BTN1A1: variants seen among roughly 807,000 people sequenced by gnomAD.
BTN1A1 encodes bK14H9.2 (butyrophilin, subfamily 1, member A1).
Under a neutral mutation model 33.1 loss-of-function variants are expected in BTN1A1, and 26 were observed. The ratio of observed to expected loss-of-function variants is 0.79; its 90% CI spans 0.58 to 1.09. BTN1A1 has a LOEUF of 1.09. BTN1A1 is among the 50% of genes least tolerant of loss of function. The probability of loss-of-function intolerance (pLI) is 0.00; values close to 1 mark genes in which losing one functional copy is unlikely to be tolerated. For synonymous variants in BTN1A1, 235 were observed against 256.2 expected (o/e 0.92, Z 0.79); for missense variants, 558 against 655.7 (o/e 0.85, Z 1.63).
At position 26,505,107 on chromosome 6, in the gene BTN1A1, G is replaced by C. The variant is rs770010800; in HGVS notation, c.610G>C (p.Ala204Pro). ...TGAAGAAGGTTTGTTCACTGTGGCT[G>C]CTTCAGTGATCATCAGAGACACTTC... is the stretch of plus-strand genomic sequence containing the variant. ...PDEEGLFTVA[A>P]SVIIRDTSAK... Residue 204 changes from alanine to proline, a missense_variant, in exon 4 of 8, where the codon GCT becomes CCT. Ala to Pro is a conservative substitution (Grantham distance 27). Transcript: ENST00000684113. 2 of 1,614,204 alleles carry C rather than the reference G, an allele frequency of 1.2e-6. No homozygotes were observed. Among genetic ancestry groups the C allele is most frequent in the Non-Finnish European group, 1.7e-6 (2 of 1,180,012 alleles).
In BTN1A1 at chr6:26,504,913, C is replaced by A; in HGVS notation, c.428-12C>A. ...TCCGCTAAAACATTAAGTCCAGATT[C>A]TCTCTCCATAGCTCTGGGCTCTGAC... On this transcript the variant is annotated splice_polypyrimidine_tract_variant and intron_variant, in intron 3 of 7. Coordinates refer to ENST00000684113, the MANE Select transcript of BTN1A1 (RefSeq NM_001732.3). The A allele has an allele frequency of 2.5e-6, 4 of 1,611,374 alleles. No homozygotes were observed. The highest frequency in any genetic ancestry group is 1.1e-5 in the South Asian group (1 of 91,002).
rs1763799174 is a variant in BTN1A1 at position 26,501,560 on chromosome 6, T to A, written c.80-30T>A. 2 of 1,608,962 alleles carry A rather than the reference T, an allele frequency of 1.2e-6. No individual in the cohort carries two copies. Among genetic ancestry groups the A allele is most frequent in the Admixed American group, 1.7e-5 (1 of 59,848 alleles). On this transcript the variant is annotated intron_variant, in intron 2 of 7. Transcript: ENST00000684113. The surrounding 1 kb of genome is among the most constrained non-coding windows in gnomAD (Gnocchi z 5.2). ...TCTGTCCGTAGTTCCCATCTCCACA[T>A]CCCGTCTGATCCCGCTCGTTTTTCG...
Position 26,508,615 on chromosome 6 carries a change from T to C in BTN1A1, c.1022T>C (p.Phe341Ser). The C allele has an allele frequency of 1.2e-6, 2 of 1,614,202 alleles. No homozygotes were observed. The highest frequency in any genetic ancestry group is 1.3e-5 in the African/African-American group (1 of 75,046). Residue 341 changes from phenylalanine (F) to serine (S), a missense_variant, in exon 8 of 8, where the codon TTT (phenylalanine) becomes TCT (serine). Phe to Ser is a radical substitution (Grantham distance 155). Transcript: ENST00000684113. ...RQKLPEKTER[F>S]DSWPCVLGRE... ...AAACTGCCTGAGAAAACAGAGAGATTTGACTCCTGGCCCTGTGTGTTGGGC... is the reference window on the plus strand; with the variant it reads ...AAACTGCCTGAGAAAACAGAGAGATCTGACTCCTGGCCCTGTGTGTTGGGC...
At chr6:26,505,980 A>C (rs1763864593) in intron 4 of BTN1A1, among the ~76,000 whole-genome samples, 1 of 151,982 alleles carries the variant, frequency 6.6e-6, no homozygotes, top group Non-Finnish European at 1.5e-5. Context: ...TTAGCCAGGC[A>C]TGGTGGCGGG....
chr6:26,506,268 G>C (rs1358155991), intron 4 of BTN1A1, among the ~76,000 whole-genome samples: 1 of 152,058 alleles, frequency 6.6e-6, no homozygotes, highest in African/African-American at 2.4e-5. Flanking sequence ...CCCAGATACT[G>C]TCTCTGGTTC....
rs1426614122 is a variant in BTN1A1, at chr6:26,506,769, T to A, written c.796T>A (p.Phe266Ile). The change falls in exon 5 of 8, where the codon TTT becomes ATT. Residue 266 changes from phenylalanine (F) to isoleucine (I), a missense_variant. By Grantham distance (21) the Phe-to-Ile change is conservative. Transcript: ENST00000684113. ...AGGACTTCTCACCATTGGGTCCATA[T>A]TTTTCACTTGGAGACTATACAACGA... is the stretch of plus-strand genomic sequence containing the variant. ...VLGLLTIGSIFFTWRLYNERP... is the reference protein window; with the variant it reads ...VLGLLTIGSIIFTWRLYNERP... 5 of 1,614,024 alleles carry A rather than the reference T, an allele frequency of 3.1e-6. No individual in the cohort carries two copies. Among genetic ancestry groups the A allele is most frequent in the East Asian group, 2.2e-5 (1 of 44,878 alleles).
rs948293845 is a variant in BTN1A1, at chr6:26,510,267, C to T, written c.*1093C>T. On this transcript the variant is annotated 3_prime_UTR_variant, in exon 8 of 8. Transcript: ENST00000684113. Reference sequence around the variant, plus strand: ...GTTCAGTGCAGCTGGACTGATTGCACCTGTGTATTTGCCCCTGAGCACTTT... The same window carrying T: ...GTTCAGTGCAGCTGGACTGATTGCATCTGTGTATTTGCCCCTGAGCACTTT... 1 of 152,452 alleles carries T rather than the reference C, an allele frequency of 6.6e-6. No individual in the cohort carries two copies. Among genetic ancestry groups the T allele is most frequent in the Non-Finnish European group, 1.5e-5 (1 of 68,076 alleles). 9.4% of individuals were successfully genotyped at this position (152,452 alleles called of 1,614,324 possible). A position where few individuals can be genotyped will look rare whatever the true frequency, so the allele number is the denominator to read the frequency against.
chr6:26,505,038 A>T lies in BTN1A1; in HGVS notation c.541A>T (p.Lys181Ter). ...PEPQVQWRTS[K>*]GEKFPSTSES... ...GCCCCAGGTGCAGTGGAGAACTTCC[A>T]AGGGAGAGAAGTTTCCATCTACATC... Residue 181 changes from lysine (K) to a stop codon, truncating the protein, a stop_gained, in exon 4 of 8, where the codon AAG (lysine) becomes TAG (stop). Transcript: ENST00000684113. LOFTEE classifies it high-confidence loss of function. 1 of 1,614,210 alleles carries T rather than the reference A, an allele frequency of 6.2e-7. No individual in the cohort carries two copies. Among genetic ancestry groups the T allele is most frequent in the Non-Finnish European group, 8.5e-7 (1 of 1,180,034 alleles).
In BTN1A1 at chr6:26,501,561, C is replaced by G; in HGVS notation, c.80-29C>G. The G allele has an allele frequency of 6.2e-7, 1 of 1,609,134 alleles. No individual in the cohort carries two copies. Among genetic ancestry groups the G allele is most frequent in the Non-Finnish European group, 8.5e-7 (1 of 1,176,606 alleles). On this transcript the variant is annotated intron_variant, in intron 2 of 7. Transcript: ENST00000684113. This position sits in a 1 kb window ranked among gnomAD's most constrained non-coding sequence, Gnocchi z 5.2. ...CTGTCCGTAGTTCCCATCTCCACAT[C>G]CCGTCTGATCCCGCTCGTTTTTCGG...
intron 6 of BTN1A1, 23 bp from the exon 7 acceptor site, chr6:26,508,038 A>T (rs1221623886): frequency 1.2e-6 from 2 of 1,612,158 alleles, no homozygotes; most frequent in African/African-American, 1.3e-5. Context: ...CCTGTCAATG[A>T]CTATCTTTCT....
Position 26,509,736 on chromosome 6 carries a change from A to G in BTN1A1, c.*562A>G, listed in dbSNP as rs1763919057. The G allele has an allele frequency of 6.5e-6, 1 of 154,704 alleles. No individual in the cohort carries two copies. The highest frequency in any genetic ancestry group is 2.4e-5 in the African/African-American group (1 of 41,442). 9.6% of individuals were successfully genotyped at this position (154,704 alleles called of 1,614,324 possible). A position where few individuals can be genotyped will look rare whatever the true frequency, so the allele number is the denominator to read the frequency against. On this transcript the variant is annotated 3_prime_UTR_variant, in exon 8 of 8. Coordinates refer to ENST00000684113, the MANE Select transcript of BTN1A1 (RefSeq NM_001732.3). Reference sequence around the variant, plus strand: ...TCGCAAATTTTCTAAGCCACGTCCTATAGGACAGAGGAGACTGGCCCCACT... The same window carrying G: ...TCGCAAATTTTCTAAGCCACGTCCTGTAGGACAGAGGAGACTGGCCCCACT...
Position 26,501,291 on chromosome 6 carries a change from C to A in BTN1A1, c.5C>A (p.Ala2Glu), listed in dbSNP as rs776883582. Residue 2 changes from alanine (A) to glutamate (E), a missense_variant, in exon 2 of 8, where the codon GCA becomes GAA. Ala to Glu is a moderately radical substitution (Grantham distance 107). Transcript: ENST00000684113. This position sits in a 1 kb window ranked among gnomAD's most constrained non-coding sequence, Gnocchi z 5.2. The stretch of plus-strand genomic sequence containing the variant: ...GCTGCTCCAGAAGGGTGGGAGATGG[C>A]AGTTTTCCCAAGCTCCGGTCTCCCC... The part of the protein sequence containing the change: M[A>E]VFPSSGLPRC... 4.3e-6 allele frequency: 7 copies of A among 1,613,878 alleles called. No individual in the cohort carries two copies. Among genetic ancestry groups the A allele is most frequent in the Non-Finnish European group, 5.9e-6 (7 of 1,179,892 alleles).
rs370251929 is a variant in BTN1A1, at chr6:26,501,585, G to C, written c.80-5G>C. ...TCCCGTCTGATCCCGCTCGTTTTTCGGCAGCTCCCTTTGACGTGATTGGAC... is the reference window on the plus strand; with the variant it reads ...TCCCGTCTGATCCCGCTCGTTTTTCCGCAGCTCCCTTTGACGTGATTGGAC... On this transcript the variant is annotated splice_region_variant and splice_polypyrimidine_tract_variant and intron_variant, in intron 2 of 7. Coordinates refer to ENST00000684113, the MANE Select transcript of BTN1A1 (RefSeq NM_001732.3). The surrounding 1 kb of genome is among the most constrained non-coding windows in gnomAD (Gnocchi z 5.2). The C allele has an allele frequency of 2.7e-5, 43 of 1,611,914 alleles. No individual in the cohort carries two copies. The highest frequency in any genetic ancestry group is 1.3e-4 in the African/African-American group (10 of 74,952).
Position 26,509,246 on chromosome 6 carries a change from C to T in BTN1A1, c.*72C>T, listed in dbSNP as rs150868691. The T allele has an allele frequency of 2.7e-3, 3,673 of 1,357,270 alleles. 26 individuals carry two copies. Among genetic ancestry groups the T allele is most frequent in the Non-Finnish European group, 2.8e-3 (2,728 of 988,664 alleles). 84.1% of individuals were successfully genotyped at this position (1,357,270 alleles called of 1,614,324 possible). A position where few individuals can be genotyped will look rare whatever the true frequency, so the allele number is the denominator to read the frequency against. On this transcript the variant is annotated 3_prime_UTR_variant, in exon 8 of 8. Transcript: ENST00000684113. ...CCATAGCCTTCTGAGGCTTCACCTG[C>T]TAGCTTTACCCAGTCTGTTTCTTCC...
At position 26,509,328 on chromosome 6, in the gene BTN1A1, T is replaced by A; in HGVS notation, c.*154T>A. On this transcript the variant is annotated 3_prime_UTR_variant, in exon 8 of 8. Coordinates refer to ENST00000684113, the MANE Select transcript of BTN1A1 (RefSeq NM_001732.3). ...GTTACATTGCTGCTGCTAGAGAGGG[T>A]GGGGATTGCACCTTCCAAATCTGTT... 1 of 737,848 alleles carries A rather than the reference T, an allele frequency of 1.4e-6. No homozygotes were observed. Among genetic ancestry groups the A allele is most frequent in the Non-Finnish European group, 2.2e-6 (1 of 462,332 alleles). The allele number at this position is 737,848 out of a possible 1,614,324, so 45.7% of individuals were successfully genotyped here. A position where few individuals can be genotyped will look rare whatever the true frequency, so the allele number is the denominator to read the frequency against.
intron 3 of BTN1A1, among the ~76,000 whole-genome samples, chr6:26,503,750 C>A (rs865939556): frequency 2.0e-5 from 3 of 151,574 alleles, no homozygotes; most frequent in African/African-American, 7.3e-5. Flanking sequence ...ACAACAGGGT[C>A]CCCCAGTTGC....
Position 26,506,825 on chromosome 6 carries a change from C to T in BTN1A1, c.852C>T (p.Ser284=). The change falls in exon 5 of 8, where the codon AGC becomes AGT. Residue 284 remains serine (S), a synonymous_variant. Coordinates refer to ENST00000684113, the MANE Select transcript of BTN1A1 (RefSeq NM_001732.3). ...CCAGAGAGAGGAGGAATGAATTCAG[C>T]TCTAAAGGTAAACCATAGAATCCAC... ...ERPRERRNEF[S]SKERLLEELK... 1.9e-6 allele frequency: 3 copies of T among 1,614,106 alleles called. No individual in the cohort carries two copies. Among genetic ancestry groups the T allele is most frequent in the Non-Finnish European group, 1.7e-6 (2 of 1,180,014 alleles).
intron 4 of BTN1A1, 109 bp downstream of exon 4, chr6:26,505,315 C>T: frequency 8.7e-7 from 1 of 1,146,654 alleles, no homozygotes; most frequent in Non-Finnish European, 1.2e-6. Context: ...CTACTTTCCC[C>T]ACCTAAGCTC....
Position 26,501,162 on chromosome 6 carries a change from T to C in BTN1A1, c.-57-68T>C. On this transcript the variant is annotated intron_variant, in intron 1 of 7. Coordinates refer to ENST00000684113, the MANE Select transcript of BTN1A1 (RefSeq NM_001732.3). This position sits in a 1 kb window ranked among gnomAD's most constrained non-coding sequence, Gnocchi z 5.2. ...GAACACTTGCAGCTGGAAAGAACTG[T>C]AGAGAGGACTTTGGAAAGCGGAGGG... 2.5e-6 allele frequency: 2 copies of C among 794,222 alleles called. No homozygotes were observed. Among genetic ancestry groups the C allele is most frequent in the Non-Finnish European group, 4.4e-6 (2 of 456,180 alleles). 49.2% of individuals were successfully genotyped at this position (794,222 alleles called of 1,614,324 possible). A position where few individuals can be genotyped will look rare whatever the true frequency, so the allele number is the denominator to read the frequency against.
Sources: gnomAD v4.1 joint callset for allele counts (sites outside exome capture counted in the v4.1 genomes callset) on GRCh38, gnomAD v4.1.1 for gene constraint, Gnocchi (gnomAD v3.1) non-coding constraint, MANE v1.5 for transcripts, NCBI Gene and HGNC (gene_info 2026-07-23, HGNC 2026-07-21) for gene names.